SYT9: variants seen among roughly 807,000 people sequenced by gnomAD.
SYT9 encodes synaptotagmin 9, also known as synaptotagmin-9.
Under a neutral mutation model 48.4 loss-of-function variants are expected in SYT9, and 22 were observed. The observed-to-expected ratio is 0.45, with a 90% confidence interval of 0.32 to 0.65. The LOEUF (loss-of-function observed/expected upper bound fraction) is 0.65, where lower values mean the gene tolerates loss of function less well. Among genes scored for constraint, SYT9 ranks in the 30% least tolerant of loss-of-function variants. The pLI is 0.03. For synonymous variants in SYT9, 265 were observed against 245.0 expected, an observed-to-expected ratio of 1.08 and a Z score of -0.76; for missense variants, 577 against 622.0, an observed-to-expected ratio of 0.93 and a Z score of 0.77.
At chr11:7,413,322 A>G (rs1847175894) in intron 3 of SYT9, among the ~76,000 whole-genome samples, 1 of 152,194 alleles carries the variant, frequency 6.6e-6, no homozygotes, top group Admixed American at 6.5e-5. Context: ...CCAGGGCAAG[A>G]CATAGTCCTT....
chr11:7,270,529 G>GA (rs1042593669), intron 1 of SYT9, among the ~76,000 whole-genome samples: 2 of 151,884 alleles, frequency 1.3e-5, no homozygotes, highest in South Asian at 2.1e-4. Context: ...TCAAATTCTA[G>GA]AAAAAAAATT....
At chr11:7,405,092 T>TAAAAAAAAAAAAAAAAAAAAAAA (rs10706521) in intron 3 of SYT9, among the ~76,000 whole-genome samples, 1 of 130,306 alleles carries the variant, frequency 7.7e-6, no homozygotes, top group Non-Finnish European at 1.7e-5. Flanking sequence ...CTGTCAAGGT[T>TAAAAAAAAAAAAAAAAAAAAAAA]AAAAAAAAAA....
Position 7,430,174 on chromosome 11 carries a change from A to T in SYT9, c.1467+9539A>T, listed in dbSNP as rs542180272. 5.9e-5 allele frequency among the ~76,000 whole-genome samples: 9 copies of T among 152,288 alleles called. No individual in the cohort carries two copies. In the South Asian group the frequency reaches 1.7e-3, roughly 28 times the overall value. On this transcript the variant is annotated intron_variant, in intron 6 of 6. Coordinates refer to ENST00000318881, the MANE Select transcript of SYT9 (RefSeq NM_175733.4). The stretch of plus-strand genomic sequence containing the variant: ...GTTATCTATTTTTATGTAAAACTCA[A>T]ATGTATATTTAAAGTCTTCAGTCAT...
At chr11:7,464,625 A>G (rs1407550044) in intron 6 of SYT9, among the ~76,000 whole-genome samples, 2 of 152,168 alleles carry the variant, frequency 1.3e-5, no homozygotes, top group Non-Finnish European at 2.9e-5. Context: ...TACCATCACA[A>G]CTAATTCCAG....
At chr11:7,371,715 C>G (rs774981868) in intron 3 of SYT9, among the ~76,000 whole-genome samples, 4 of 152,172 alleles carry the variant, frequency 2.6e-5, no homozygotes, top group Non-Finnish European at 5.9e-5. Flanking sequence ...CACTTTCTGA[C>G]TTCTATCACT....
intron 6 of SYT9, chr11:7,437,568 A>G (rs923667534): frequency 1.3e-5 from 2 of 152,174 alleles, no homozygotes; most frequent in African/African-American, 4.8e-5. Context: ...TGTGGGAGTG[A>G]TAAGAAGGAA....
At chr11:7,246,445 T>C (rs1847794192) in intron 1 of SYT9, among the ~76,000 whole-genome samples, 1 of 152,238 alleles carries the variant, frequency 6.6e-6, no homozygotes, top group Non-Finnish European at 1.5e-5. Flanking sequence ...ATTTGTTCAA[T>C]GAATGAAAGA....
In SYT9 at chr11:7,328,876, A is replaced by G. The variant is rs191467060; in HGVS notation, c.1044+14935A>G. 2.0e-5 allele frequency among the ~76,000 whole-genome samples: 3 copies of G among 152,070 alleles called. No individual in the cohort carries two copies. In the East Asian group the frequency reaches 5.8e-4, roughly 29 times the overall value. On this transcript the variant is annotated intron_variant, in intron 3 of 6. Transcript: ENST00000318881. ...TAGGTATGCAAATCTTGTGTGGATAATTTTTTTTCTCAGTATCTATTCTTT... is the reference window on the plus strand; with the variant it reads ...TAGGTATGCAAATCTTGTGTGGATAGTTTTTTTTCTCAGTATCTATTCTTT...
At chr11:7,344,818 C>A (rs552183204) in intron 3 of SYT9, among the ~76,000 whole-genome samples, 2 of 152,120 alleles carry the variant, frequency 1.3e-5, no homozygotes, top group Non-Finnish European at 2.9e-5. Context: ...ATTTATAAAT[C>A]TTGAAATCAA....
intron 3 of SYT9, among the ~76,000 whole-genome samples, chr11:7,319,540 T>C (rs540893363): frequency 2.0e-5 from 3 of 152,270 alleles, no homozygotes; most frequent in Non-Finnish European, 4.4e-5. Context: ...GGTATGAATG[T>C]TTTAAATGCA....
At chr11:7,344,226 T>TCTTCC (rs749585845) in intron 3 of SYT9, among the ~76,000 whole-genome samples, 3 of 152,150 alleles carry the variant, frequency 2.0e-5, no homozygotes, top group Non-Finnish European at 4.4e-5. Context: ...CCCTAGTCTC[T>TCTTCC]CTTCCTAAAT....
intron 3 of SYT9, among the ~76,000 whole-genome samples, chr11:7,414,831 C>T (rs1437379709): frequency 6.6e-6 from 1 of 152,058 alleles, no homozygotes; most frequent in African/African-American, 2.4e-5. Flanking sequence ...TAGAAGCATC[C>T]TTGGAGAACT....
chr11:7,360,876 GA>G (rs1850121840), intron 3 of SYT9, among the ~76,000 whole-genome samples: 1 of 152,026 alleles, frequency 6.6e-6, no homozygotes, highest in African/African-American at 2.4e-5. Context: ...TGATTTGATT[GA>G]TCTAATAGTT....
In SYT9 at chr11:7,252,743, T is replaced by C. The variant is rs546365705; in HGVS notation, c.145+412T>C. Among the ~76,000 whole-genome samples the C allele has an allele frequency of 4.9e-4, 74 of 152,264 alleles. No individual in the cohort carries two copies. The highest frequency in any genetic ancestry group is 1.7e-3 in the African/African-American group (70 of 41,562). On this transcript the variant is annotated intron_variant, in intron 1 of 6. Coordinates refer to ENST00000318881, the MANE Select transcript of SYT9 (RefSeq NM_175733.4). This position sits in a 1 kb window ranked among gnomAD's most constrained non-coding sequence, Gnocchi z 6.3. ...GAAGGAAACTCTGGGAAGTTGGGAG[T>C]TGGGGACGGCCCCGGGTTGGGGCCG... is the stretch of plus-strand genomic sequence containing the variant.
intron 6 of SYT9, among the ~76,000 whole-genome samples, chr11:7,448,049 A>G (rs560948218): frequency 6.6e-6 from 1 of 152,210 alleles, no homozygotes; most frequent in Admixed American, 6.5e-5. Flanking sequence ...ACAGCATCTC[A>G]TGTTTTGCCT....
chr11:7,345,488 A>G (rs1849783657), intron 3 of SYT9, among the ~76,000 whole-genome samples: 1 of 152,218 alleles, frequency 6.6e-6, no homozygotes, highest in Non-Finnish European at 1.5e-5. Flanking sequence ...GTGAGAATTG[A>G]AGAAAGAGAG....
chr11:7,412,059 TA>T (rs568411141), intron 3 of SYT9, among the ~76,000 whole-genome samples: 3 of 152,024 alleles, frequency 2.0e-5, no homozygotes, highest in African/African-American at 4.8e-5. Flanking sequence ...TTGGTTCTTT[TA>T]AAAAAAATGT....
intron 1 of SYT9, among the ~76,000 whole-genome samples, chr11:7,246,284 T>C (rs1847790491): frequency 6.6e-6 from 1 of 152,188 alleles, no homozygotes; most frequent in South Asian, 2.1e-4. Context: ...TCACTTTCTA[T>C]CTATGCCACG....
intron 3 of SYT9, among the ~76,000 whole-genome samples, chr11:7,368,403 G>A (rs1244545417): frequency 6.6e-6 from 1 of 152,102 alleles, no homozygotes; most frequent in Non-Finnish European, 1.5e-5. Context: ...GAATGTGCAG[G>A]TCTGTTACTT....
Sources: allele counts gnomAD v4.1 joint callset (sites outside exome capture counted in the v4.1 genomes callset), GRCh38; gene constraint gnomAD v4.1.1; non-coding constraint Gnocchi (gnomAD v3.1); transcripts MANE v1.5; gene names NCBI Gene and HGNC (gene_info 2026-07-23, HGNC 2026-07-21).